FAT3: variants seen among roughly 807,000 people sequenced by gnomAD.
The protein encoded by FAT3 is protocadherin Fat 3.
A neutral mutation model predicts 310.2 loss-of-function variants in FAT3; 95 were observed. The observed-to-expected ratio is 0.31, with a 90% CI of 0.26 to 0.36. FAT3 has a LOEUF of 0.36. Among genes scored for constraint, FAT3 ranks in the 10% least tolerant of loss-of-function variants. FAT3 has a pLI of 1.00. For missense variants in FAT3, 5,408 were observed against 5,715.6 expected, an observed-to-expected ratio of 0.95 and a Z score of 1.74; for synonymous variants, 2,314 against 2,192.9, an observed-to-expected ratio of 1.06 and a Z score of -1.54.
At chr11:92,226,187 T>C (rs1270546653) in intron 1 of FAT3, among the ~76,000 whole-genome samples, 1 of 151,992 alleles carries the variant, frequency 6.6e-6, no homozygotes, top group Non-Finnish European at 1.5e-5. Flanking sequence ...GCGCGAGGAT[T>C]CCGCCAGTGG....
At chr11:92,699,473 G>A (rs1481158351) in intron 4 of FAT3, among the ~76,000 whole-genome samples, 1 of 152,008 alleles carries the variant, frequency 6.6e-6, no homozygotes, top group Middle Eastern at 3.2e-3. Context: ...TTGAAACTAT[G>A]TACATCTATT....
chr11:92,569,133 A>G (rs958236632), intron 3 of FAT3, among the ~76,000 whole-genome samples: 14 of 152,160 alleles, frequency 9.2e-5, no homozygotes, highest in African/African-American at 3.1e-4. Flanking sequence ...TGACTTCAGC[A>G]TAGCCCAGTG....
intron 2 of FAT3, among the ~76,000 whole-genome samples, chr11:92,442,094 TATATA>T (rs1951079347): frequency 2.1e-5 from 1 of 47,816 alleles, no homozygotes; most frequent in South Asian, 7.2e-4. Flanking sequence ...TATATATATA[TATATA>T]TATATATATA....
chr11:92,366,797 G>A, intron 2 of FAT3: 1 of 531,904 alleles, frequency 1.9e-6, no homozygotes. Context: ...ATGCTCACAG[G>A]AAGGTAGCTG....
chr11:92,805,428 A>G (rs748864454), intron 11 of FAT3, 79 bp downstream of exon 11: 28 of 1,454,384 alleles, frequency 1.9e-5, no homozygotes, highest in Middle Eastern at 2.4e-4. Flanking sequence ...TTTCTTCTTA[A>G]GGCCAGGCAA....
chr11:92,555,572 T>C (rs1954988776), intron 3 of FAT3, among the ~76,000 whole-genome samples: 1 of 152,186 alleles, frequency 6.6e-6, no homozygotes, highest in Non-Finnish European at 1.5e-5. Flanking sequence ...CATTTCCTTT[T>C]CAGCTAACAC....
intron 3 of FAT3, among the ~76,000 whole-genome samples, chr11:92,661,340 G>A (rs1415207457): frequency 6.6e-6 from 1 of 152,192 alleles, no homozygotes; most frequent in African/African-American, 2.4e-5. Context: ...CGACAGAAAG[G>A]TGTGTGGTCT....
chr11:92,645,710 G>C (rs1942136343), intron 3 of FAT3, among the ~76,000 whole-genome samples: 1 of 152,200 alleles, frequency 6.6e-6, no homozygotes, highest in Non-Finnish European at 1.5e-5. Context: ...GCCTTCATTA[G>C]TCACTACTTT....
chr11:92,338,728 A>C (rs1010876444), intron 1 of FAT3, among the ~76,000 whole-genome samples: 5 of 152,172 alleles, frequency 3.3e-5, no homozygotes, highest in Admixed American at 6.5e-5. Context: ...TTGGCCAAAA[A>C]CTAGAGAACA....
intron 2 of FAT3, among the ~76,000 whole-genome samples, chr11:92,510,276 G>T (rs766105276): frequency 1.3e-5 from 2 of 151,984 alleles, no homozygotes; most frequent in Non-Finnish European, 2.9e-5. Flanking sequence ...ATTCTCTGAG[G>T]GTGTTTTTTC....
chr11:92,722,828 T>C (rs990561087), intron 4 of FAT3, among the ~76,000 whole-genome samples: 1 of 152,198 alleles, frequency 6.6e-6, no homozygotes, highest in African/African-American at 2.4e-5. Context: ...AGCTCTATGT[T>C]GGCCCCTTTC....
At chr11:92,573,315 A>G (rs927452931) in intron 3 of FAT3, among the ~76,000 whole-genome samples, 1 of 152,120 alleles carries the variant, frequency 6.6e-6, no homozygotes, top group Non-Finnish European at 1.5e-5. Flanking sequence ...GTTGCGAATT[A>G]TGGAGGCCTC....
chr11:92,244,116 C>G (rs1864789967), intron 1 of FAT3, among the ~76,000 whole-genome samples: 1 of 152,018 alleles, frequency 6.6e-6, no homozygotes, highest in South Asian at 2.1e-4. Flanking sequence ...AGTAGCTTAA[C>G]TCACAAAGAC....
intron 3 of FAT3, among the ~76,000 whole-genome samples, chr11:92,551,374 A>G (rs993477800): frequency 4.2e-5 from 6 of 143,048 alleles, no homozygotes; most frequent in African/African-American, 1.3e-4. Flanking sequence ...TCTGATTGCA[A>G]CTTGGGCCTA....
intron 3 of FAT3, among the ~76,000 whole-genome samples, chr11:92,649,186 C>T (rs1256458416): frequency 6.6e-6 from 1 of 152,132 alleles, no homozygotes; most frequent in East Asian, 1.9e-4. Context: ...TATAGGATTC[C>T]TGGATCTATT....
At chr11:92,347,823 G>A (rs1206823721) in intron 1 of FAT3, among the ~76,000 whole-genome samples, 1 of 152,120 alleles carries the variant, frequency 6.6e-6, no homozygotes, top group Non-Finnish European at 1.5e-5. Flanking sequence ...TAGAAAATAG[G>A]CTCTGAGGTT....
rs1289835002 is a variant in FAT3 at position 92,352,870 on chromosome 11, A to C, written c.758A>C (p.Tyr253Ser). Residue 253 changes from tyrosine to serine, a missense_variant, in exon 2 of 28, where the codon TAT becomes TCT. By Grantham distance (144) the Tyr-to-Ser change is moderately radical. Coordinates refer to ENST00000525166, the MANE Select transcript of FAT3 (RefSeq NM_001367949.2). ...GGAGTGAGCAGTACTGCAAAGCTTT[A>C]TGTTCACATTGAGCGCATAAATGAA... ...NNGVSSTAKL[Y>S]VHIERINEHA... 6.2e-7 allele frequency: 1 copy of C among 1,613,896 alleles called. No individual in the cohort carries two copies. Among genetic ancestry groups the C allele is most frequent in the Non-Finnish European group, 8.5e-7 (1 of 1,179,872 alleles).
intron 1 of FAT3, among the ~76,000 whole-genome samples, chr11:92,233,526 CA>C (rs1162301151): frequency 6.6e-6 from 1 of 152,164 alleles, no homozygotes; most frequent in East Asian, 1.9e-4. Context: ...TCTGACCCTT[CA>C]AAAGTTAGCT....
intron 1 of FAT3, among the ~76,000 whole-genome samples, chr11:92,338,646 A>T (rs922726012): frequency 1.1e-4 from 17 of 152,128 alleles, no homozygotes; most frequent in South Asian, 6.2e-4. Context: ...TGACTTGAGA[A>T]GATTAGTCTT....
Sources: allele counts gnomAD v4.1 joint callset (sites outside exome capture counted in the v4.1 genomes callset), GRCh38; gene constraint gnomAD v4.1.1; transcripts MANE v1.5; gene names NCBI Gene and HGNC (gene_info 2026-07-23, HGNC 2026-07-21).